Variants in ATP8B2 observed in about 807,000 individuals in gnomAD.
The protein encoded by ATP8B2 is ATPase phospholipid transporting 8B2, also known as phospholipid-transporting ATPase ID.
In ATP8B2, 70 loss-of-function variants were observed where a neutral mutation model predicts 133.4. That is an observed-to-expected ratio of 0.52 (90% CI 0.43 to 0.64). ATP8B2 has a LOEUF of 0.64. Among genes scored for constraint, ATP8B2 ranks in the 30% least tolerant of loss-of-function variants. The probability of loss-of-function intolerance (pLI) is 0.00; values close to 1 mark genes in which losing one functional copy is unlikely to be tolerated. For missense variants in ATP8B2, 1,101 were observed against 1,535.7 expected (o/e 0.72, Z 4.73); for synonymous variants, 517 against 589.5 (o/e 0.88, Z 1.78).
rs749608078 is a variant in ATP8B2, at chr1:154,342,925, C to T, written c.1417C>T (p.Leu473=). 2 of 1,614,186 alleles carry T rather than the reference C, an allele frequency of 1.2e-6. No homozygotes were observed. Among genetic ancestry groups the T allele is most frequent in the African/African-American group, 1.3e-5 (1 of 75,044 alleles). ...GCATGAGTTCTTCCGCCTCCTTTCC[C>T]TGTGTCATACTGTCATGTCAGAAGA... ...HTHEFFRLLS[L]CHTVMSEEKN... Residue 473 remains leucine (L), a synonymous_variant, in exon 15 of 28, where the codon CTG becomes TTG. Transcript: ENST00000368489.
intron 12 of ATP8B2, 80 bp downstream of exon 12, chr1:154,337,624 T>C (rs1570859871): frequency 6.2e-7 from 1 of 1,614,078 alleles, no homozygotes; most frequent in Non-Finnish European, 8.5e-7. Context: ...GAAGATGAAG[T>C]CCTTGAGAAG....
At chr1:154,338,346 TTTG>T (rs1341980785) in intron 12 of ATP8B2, among the ~76,000 whole-genome samples, 1 of 129,114 alleles carries the variant, frequency 7.7e-6, no homozygotes, top group Non-Finnish European at 1.8e-5. Flanking sequence ...GCCTGTGGAC[TTTG>T]TATTTACTAA....
rs375613302 is a variant in ATP8B2, at chr1:154,330,958, C to T, written c.204+30C>T. 292 of 1,603,350 alleles carry T rather than the reference C, an allele frequency of 1.8e-4. No homozygotes were observed. The African/African-American group carries it at 3.5e-3, about 19-fold the overall frequency. On this transcript the variant is annotated intron_variant, in intron 4 of 27. Coordinates refer to ENST00000368489, the MANE Select transcript of ATP8B2 (RefSeq NM_001370597.1). ...GTGACCCATAGTAGATTTTTTGCAGCTCCCCAAACTGAATAAAGCCAAGGA... is the reference window on the plus strand; with the variant it reads ...GTGACCCATAGTAGATTTTTTGCAGTTCCCCAAACTGAATAAAGCCAAGGA...
chr1:154,335,160 T>G (rs901066461), intron 11 of ATP8B2, among the ~76,000 whole-genome samples: 2 of 152,174 alleles, frequency 1.3e-5, no homozygotes, highest in Non-Finnish European at 2.9e-5. Context: ...TAGCCTCTGG[T>G]GAGCTTGTTT....
At chr1:154,333,990 T>C (rs1256404687) in intron 9 of ATP8B2, 117 bp from the exon 10 acceptor site, 9 of 1,260,494 alleles carry the variant, frequency 7.1e-6, no homozygotes, top group African/African-American at 6.0e-5. Flanking sequence ...CAGCAGCATA[T>C]GGATGGGCCC....
In ATP8B2 at chr1:154,350,108, T is replaced by C. The variant is rs536873511; in HGVS notation, c.*990T>C. 5.3e-5 allele frequency: 8 copies of C among 152,030 alleles called. No individual in the cohort carries two copies. Among genetic ancestry groups the C allele is most frequent in the South Asian group, 2.1e-4 (1 of 4,810 alleles). 9.4% of individuals were successfully genotyped at this position (152,030 alleles called of 1,614,324 possible). ...TTTTTTTTGAGATGGAGTCTCACTC[T>C]TGTCACCTAGGCAAGAGTGCAATGG... On this transcript the variant is annotated 3_prime_UTR_variant, in exon 28 of 28. Coordinates refer to ENST00000368489, the MANE Select transcript of ATP8B2 (RefSeq NM_001370597.1).
chr1:154,342,573 G>T (rs750158277), intron 14 of ATP8B2, 50 bp downstream of exon 14: 3 of 1,564,662 alleles, frequency 1.9e-6, no homozygotes, highest in Non-Finnish European at 2.6e-6. Flanking sequence ...AGGGTGCCTG[G>T]CCAGTAACAG....
At chr1:154,337,017 C>G (rs936367193) in intron 11 of ATP8B2, among the ~76,000 whole-genome samples, 2 of 151,888 alleles carry the variant, frequency 1.3e-5, no homozygotes, top group African/African-American at 4.8e-5. Flanking sequence ...AGGCTGGTCT[C>G]AAACTCCTGA....
rs1319372594 is a variant in ATP8B2, at chr1:154,328,593, A to G, written c.31+421A>G. On this transcript the variant is annotated intron_variant, in intron 2 of 27. Transcript: ENST00000368489. The surrounding 1 kb of genome is among the most constrained non-coding windows in gnomAD (Gnocchi z 4.6). ...CCCCGACAACGCCGGCAGTCCGCTC[A>G]CCCGCATTGGCCCGGCCCGGGGGTG... is the stretch of plus-strand genomic sequence containing the variant. Among the ~76,000 whole-genome samples the G allele has an allele frequency of 6.6e-6, 1 of 151,504 alleles. No homozygotes were observed. The highest frequency in any genetic ancestry group is 2.4e-5 in the African/African-American group (1 of 41,190).
chr1:154,345,428 G>A lies in ATP8B2; in HGVS notation c.2577G>A (p.Val859=). The stretch of plus-strand genomic sequence containing the variant: ...AGTTCCTGCAGCGCCTCCTGCTGGT[G>A]CATGGGCGCTGGTCCTACCTGCGAA... ...QFKFLQRLLL[V]HGRWSYLRMC... is the part of the protein sequence containing the mutation. Residue 859 remains valine (V), a synonymous_variant, in exon 23 of 28, where the codon GTG becomes GTA. Coordinates refer to ENST00000368489, the MANE Select transcript of ATP8B2 (RefSeq NM_001370597.1). This position sits in a 1 kb window ranked among gnomAD's most constrained non-coding sequence, Gnocchi z 5.6. 1 of 1,614,188 alleles carries A rather than the reference G, an allele frequency of 6.2e-7. No individual in the cohort carries two copies. The highest frequency in any genetic ancestry group is 8.5e-7 in the Non-Finnish European group (1 of 1,179,990).
Position 154,328,172 on chromosome 1 carries a change from G to A in ATP8B2, c.31G>A (p.Glu11Lys). MAVCAKKRPPEEERRARANDR... is the reference protein window; with the variant it reads MAVCAKKRPPKEERRARANDR... ...AGTGTGTGCAAAAAAGCGCCCCCCAGGTAAGACAGGCAAGGAGGGGAGATC... is the reference window on the plus strand; with the variant it reads ...AGTGTGTGCAAAAAAGCGCCCCCCAAGTAAGACAGGCAAGGAGGGGAGATC... The change falls in exon 2 of 28, where the codon GAA becomes AAA. Residue 11 changes from glutamate to lysine, a missense_variant and splice_region_variant. By Grantham distance (56) the Glu-to-Lys change is moderately conservative. Transcript: ENST00000368489. The surrounding 1 kb of genome is among the most constrained non-coding windows in gnomAD (Gnocchi z 4.6). 1 of 1,613,618 alleles carries A rather than the reference G, an allele frequency of 6.2e-7. No individual in the cohort carries two copies. Among genetic ancestry groups the A allele is most frequent in the Non-Finnish European group, 8.5e-7 (1 of 1,179,678 alleles).
At chr1:154,341,565 A>G in intron 13 of ATP8B2, 1 of 181,942 alleles carries the variant, frequency 5.5e-6, no homozygotes, top group Non-Finnish European at 1.2e-5. Flanking sequence ...GGCTGGGCGC[A>G]GTGGATCACC....
rs1463660003 is a variant in ATP8B2 at position 154,328,993 on chromosome 1, G to A, written c.31+821G>A. On this transcript the variant is annotated intron_variant, in intron 2 of 27. Transcript: ENST00000368489. This position sits in a 1 kb window ranked among gnomAD's most constrained non-coding sequence, Gnocchi z 4.6. ...CCCCCACTCAAACCGGGATCATGAC[G>A]GTCCCCAAGGAGATGCCCGAGAAGT... is the stretch of plus-strand genomic sequence containing the variant. The A allele has an allele frequency of 2.3e-6, 3 of 1,303,874 alleles. No individual in the cohort carries two copies. Among genetic ancestry groups the A allele is most frequent in the African/African-American group, 3.0e-5 (2 of 65,822 alleles). 80.8% of individuals were successfully genotyped at this position (1,303,874 alleles called of 1,614,324 possible).
chr1:154,346,460 T>C lies in ATP8B2; in HGVS notation c.3008T>C (p.Ile1003Thr), dbSNP rs778597357. The C allele has an allele frequency of 1.1e-5, 17 of 1,613,552 alleles. No individual in the cohort carries two copies. The highest frequency in any genetic ancestry group is 1.0e-4 in the Admixed American group (6 of 59,988). ...FAVTVATSLVIVVSVQIGLDT... is the reference protein window; with the variant it reads ...FAVTVATSLVTVVSVQIGLDT... ...GTCACTGTGGCCACATCCTTGGTCA[T>C]TGTGGTTAGCGTGCAGGTATGAGGC... The change falls in exon 25 of 28, where the codon ATT becomes ACT. Residue 1003 changes from isoleucine (I) to threonine (T), a missense_variant. Transcript: ENST00000368489. This position sits in a 1 kb window ranked among gnomAD's most constrained non-coding sequence, Gnocchi z 4.5.
chr1:154,336,420 A>G (rs537214212), intron 11 of ATP8B2, among the ~76,000 whole-genome samples: 70 of 151,832 alleles, frequency 4.6e-4, no homozygotes, highest in African/African-American at 1.5e-3. Flanking sequence ...CACATAAAAT[A>G]CACTAACATT....
rs921873393 is a variant in ATP8B2 at position 154,340,015 on chromosome 1, C to T, written c.1035-839C>T. Among the ~76,000 whole-genome samples the T allele has an allele frequency of 3.3e-5, 5 of 152,078 alleles. No individual in the cohort carries two copies. Among genetic ancestry groups the T allele is most frequent in the Non-Finnish European group, 7.4e-5 (5 of 68,010 alleles). ...TGGGCAACACAGCGAGATCCCATCT[C>T]TACAAAAAATGAAAATTAGCCAGGT... On this transcript the variant is annotated intron_variant, in intron 12 of 27. Coordinates refer to ENST00000368489, the MANE Select transcript of ATP8B2 (RefSeq NM_001370597.1). The surrounding 1 kb of genome is among the most constrained non-coding windows in gnomAD (Gnocchi z 4.0).
chr1:154,345,296 CCTCTTGTCAT>C lies in ATP8B2; in HGVS notation c.2471-17_2471-8del. 1 of 1,612,358 alleles carries C rather than the reference CCTCTTGTCAT, an allele frequency of 6.2e-7. No homozygotes were observed. The highest frequency in any genetic ancestry group is 8.5e-7 in the Non-Finnish European group (1 of 1,179,186). ...GTGTGTGGCCGGTGGCCATCTTCAC[CCTCTTGTCAT>C]CTCTTGTCTCTGCAGCGGCTCACAT... On this transcript the variant is annotated splice_polypyrimidine_tract_variant and intron_variant, in intron 22 of 27. Transcript: ENST00000368489. The surrounding 1 kb of genome is among the most constrained non-coding windows in gnomAD (Gnocchi z 5.6).
chr1:154,333,774 A>G (rs1307009165), intron 9 of ATP8B2, among the ~76,000 whole-genome samples: 4 of 151,280 alleles, frequency 2.6e-5, no homozygotes, highest in Non-Finnish European at 5.9e-5. Flanking sequence ...AGCTAGAATT[A>G]CAGGCTCCCA....
At chr1:154,337,948 G>C in intron 12 of ATP8B2, 1 of 363,014 alleles carries the variant, frequency 2.8e-6, no homozygotes, top group Non-Finnish European at 4.8e-6. Flanking sequence ...TCGACCTAGA[G>C]TCTTCTATGT....
Sources: gnomAD v4.1 joint callset for allele counts (sites outside exome capture counted in the v4.1 genomes callset) on GRCh38, gnomAD v4.1.1 for gene constraint, Gnocchi (gnomAD v3.1) non-coding constraint, MANE v1.5 for transcripts, NCBI Gene and HGNC (gene_info 2026-07-23, HGNC 2026-07-21) for gene names.